The following TBXAS1 variants were observed in gnomAD, a reference collection of about 807,000 sequenced individuals.
TBXAS1 encodes the protein thromboxane-A synthase.
Under a neutral mutation model 60.7 loss-of-function variants are expected in TBXAS1, and 48 were observed. The ratio of observed to expected loss-of-function variants is 0.79; its 90% confidence interval spans 0.63 to 1.01. TBXAS1 has a LOEUF of 1.01. Among genes scored for constraint, TBXAS1 ranks in the 50% least tolerant of loss-of-function variants. The pLI, the probability that TBXAS1 is intolerant of heterozygous loss-of-function variation, is 0.00. For missense variants in TBXAS1, 685 were observed against 686.3 expected, an observed-to-expected ratio of 1.00 and a Z score of 0.02; for synonymous variants, 287 against 269.7, an observed-to-expected ratio of 1.06 and a Z score of -0.63.
Position 139,953,359 on chromosome 7 carries a change from C to T in TBXAS1, c.451-9C>T. On this transcript the variant is annotated splice_polypyrimidine_tract_variant and intron_variant, in intron 5 of 12. Transcript: ENST00000448866. ...GTGCCCTAATTACACCTTTGTTATC[C>T]ATTATCAGATGGTTCCCCTCATCAG... 1.2e-6 allele frequency: 2 copies of T among 1,611,534 alleles called. No homozygotes were observed. Among genetic ancestry groups the T allele is most frequent in the Non-Finnish European group, 1.7e-6 (2 of 1,177,628 alleles).
chr7:139,861,312 T>C (rs1370820893), intron 1 of TBXAS1, among the ~76,000 whole-genome samples: 3 of 151,910 alleles, frequency 2.0e-5, no homozygotes, highest in Non-Finnish European at 4.4e-5. Flanking sequence ...TAGCTCACTG[T>C]AACCTTGAAC....
At chr7:139,939,996 G>A (rs574634254) in intron 5 of TBXAS1, among the ~76,000 whole-genome samples, 48 of 152,206 alleles carry the variant, frequency 3.2e-4, no homozygotes, top group Non-Finnish European at 4.6e-4. Flanking sequence ...TCCCGCACCC[G>A]CGGAATCAAT....
At chr7:139,965,248 G>A (rs1233305870) in intron 9 of TBXAS1, among the ~76,000 whole-genome samples, 2 of 151,848 alleles carry the variant, frequency 1.3e-5, no homozygotes, top group African/African-American at 4.8e-5. Context: ...TGTTATTATG[G>A]GGCTGTACAG....
chr7:139,906,488 G>A (rs1443884383), intron 3 of TBXAS1, among the ~76,000 whole-genome samples: 1 of 151,974 alleles, frequency 6.6e-6, no homozygotes, highest in Non-Finnish European at 1.5e-5. Context: ...ATTGATCTAT[G>A]TGTTTGTCTT....
In TBXAS1 at chr7:139,896,295, C is replaced by A. The variant is rs1177548380; in HGVS notation, c.237-14930C>A. On this transcript the variant is annotated intron_variant, in intron 3 of 12. Transcript: ENST00000448866. The surrounding 1 kb of genome is among the most constrained non-coding windows in gnomAD (Gnocchi z 4.0). ...TACAAGGAGCGAAGGGTCCATGAAG[C>A]CTTCACAAAGAGGGGCAGGTGACCC... Among the ~76,000 whole-genome samples, 2 of 152,166 alleles carry A rather than the reference C, an allele frequency of 1.3e-5. No individual in the cohort carries two copies. The highest frequency in any genetic ancestry group is 4.8e-5 in the African/African-American group (2 of 41,426).
intron 3 of TBXAS1, among the ~76,000 whole-genome samples, chr7:139,902,146 G>A (rs953174858): frequency 6.6e-6 from 1 of 151,664 alleles, no homozygotes; most frequent in Non-Finnish European, 1.5e-5. Flanking sequence ...GTGTGTGTGT[G>A]TGTGTAGTTC....
rs8192863 is a variant in TBXAS1, at chr7:140,006,287, T to C, written c.1135-804T>C. Among the ~76,000 whole-genome samples the C allele has an allele frequency of 3.3e-4, 51 of 152,276 alleles. No individual in the cohort carries two copies. In the East Asian group the frequency reaches 9.9e-3, roughly 29 times the overall value. The stretch of plus-strand genomic sequence containing the variant: ...CCTTAATCCCAGTGCGCCCACACCC[T>C]GCTCAAGAGCTCATGGGCACGTGTT... On this transcript the variant is annotated intron_variant, in intron 9 of 12. Transcript: ENST00000448866.
intron 12 of TBXAS1, 73 bp from the exon 13 acceptor site, chr7:140,019,952 A>G (rs1815418823): frequency 6.8e-7 from 1 of 1,470,802 alleles, no homozygotes; most frequent in African/African-American, 1.4e-5. Flanking sequence ...GCCTTCTTGA[A>G]CCTCCAAGTC....
intron 5 of TBXAS1, among the ~76,000 whole-genome samples, chr7:139,949,588 C>T (rs1809033546): frequency 1.3e-5 from 2 of 152,152 alleles, no homozygotes; most frequent in South Asian, 4.1e-4. Flanking sequence ...TTGGCACACC[C>T]TTTTGTACTG....
intron 10 of TBXAS1, among the ~76,000 whole-genome samples, chr7:140,009,054 A>G (rs1377737468): frequency 6.6e-6 from 1 of 152,220 alleles, no homozygotes. Context: ...TCAGCCACGA[A>G]TCCATCAGAC....
intron 9 of TBXAS1, among the ~76,000 whole-genome samples, chr7:139,966,683 T>C (rs1810814015): frequency 6.6e-6 from 1 of 152,260 alleles, no homozygotes; most frequent in Non-Finnish European, 1.5e-5. Context: ...GTGATGATAC[T>C]TTGGACAGAT....
In TBXAS1 at chr7:140,015,816, T is replaced by C. The variant is rs752108207; in HGVS notation, c.1320T>C (p.His440=). ...AGATGGCCGTGGGTGCCCTGCACCA[T>C]GACCCTGAGCACTGGCCAAGCCCGG... ...VLEMAVGALH[H]DPEHWPSPET... is the part of the protein sequence containing the mutation. Residue 440 remains histidine (H), a synonymous_variant, in exon 11 of 13, where the codon CAT becomes CAC. Coordinates refer to ENST00000448866, the MANE Select transcript of TBXAS1 (RefSeq NM_001061.7). 23 of 1,613,714 alleles carry C rather than the reference T, an allele frequency of 1.4e-5. No individual in the cohort carries two copies. The highest frequency in any genetic ancestry group is 1.9e-5 in the Non-Finnish European group (22 of 1,180,048).
intron 3 of TBXAS1, among the ~76,000 whole-genome samples, chr7:139,898,381 C>A (rs1435115845): frequency 6.9e-6 from 1 of 145,770 alleles, no homozygotes; most frequent in Non-Finnish European, 1.5e-5. Flanking sequence ...ATCAGTTCTA[C>A]CTGAAAATCA....
intron 3 of TBXAS1, among the ~76,000 whole-genome samples, chr7:139,889,363 A>G (rs1433844452): frequency 6.6e-6 from 1 of 152,190 alleles, no homozygotes; most frequent in Non-Finnish European, 1.5e-5. Flanking sequence ...GCAGCAAGTC[A>G]TTGATTGTAA....
chr7:139,841,677 A>G (rs184835612), intron 1 of TBXAS1, among the ~76,000 whole-genome samples: 2 of 152,244 alleles, frequency 1.3e-5, no homozygotes, highest in Admixed American at 1.3e-4. Flanking sequence ...CAATATCCCT[A>G]TCCTTCTCCT....
intron 3 of TBXAS1, among the ~76,000 whole-genome samples, chr7:139,906,607 C>A (rs1805100041): frequency 6.6e-6 from 1 of 152,082 alleles, no homozygotes; most frequent in South Asian, 2.1e-4. Context: ...ATTTTAAGTT[C>A]TTTGCCTTTC....
chr7:139,780,479 C>T (rs747694240), intron 1 of TBXAS1, among the ~76,000 whole-genome samples: 79 of 152,196 alleles, frequency 5.2e-4, no homozygotes, highest in Middle Eastern at 6.3e-3. Context: ...CATTGCCTAA[C>T]GCATGGTGAG....
chr7:139,848,229 C>T (rs977093791), intron 1 of TBXAS1, among the ~76,000 whole-genome samples: 1 of 152,096 alleles, frequency 6.6e-6, no homozygotes, highest in African/African-American at 2.4e-5. Context: ...AAATGATCCT[C>T]CCACCTCGGC....
At chr7:139,787,156 CAAAT>C (rs1198716167) in intron 3 of TBXAS1, among the ~76,000 whole-genome samples, 1 of 152,096 alleles carries the variant, frequency 6.6e-6, no homozygotes, top group African/African-American at 2.4e-5. Context: ...AAGAAAAAAA[CAAAT>C]AATCTTTTGT....
Sources: gnomAD v4.1 joint callset for allele counts (sites outside exome capture counted in the v4.1 genomes callset) on GRCh38, gnomAD v4.1.1 for gene constraint, Gnocchi (gnomAD v3.1) non-coding constraint, MANE v1.5 for transcripts, NCBI Gene and HGNC (gene_info 2026-07-23, HGNC 2026-07-21) for gene names.